AVL9: variants seen among roughly 807,000 people sequenced by gnomAD.
AVL9 encodes late secretory pathway protein AVL9 homolog.
Under a neutral mutation model 79.2 loss-of-function variants are expected in AVL9, and 49 were observed. The ratio of observed to expected loss-of-function variants is 0.62; its 90% CI spans 0.49 to 0.79. The LOEUF (loss-of-function observed/expected upper bound fraction) is 0.79, where lower values mean the gene tolerates loss of function less well. AVL9 is among the 30% of genes least tolerant of loss of function. AVL9 has a pLI of 0.00. For synonymous variants in AVL9, 299 were observed against 280.6 expected (o/e 1.07, Z -0.65); for missense variants, 682 against 776.8 (o/e 0.88, Z 1.45).
intron 1 of AVL9, among the ~76,000 whole-genome samples, chr7:32,500,918 A>G (rs1440442362): frequency 6.6e-6 from 1 of 152,084 alleles, no homozygotes; most frequent in Non-Finnish European, 1.5e-5. Context: ...ATGGCTGTAG[A>G]TGTGTGGTGT....
intron 14 of AVL9, 24 bp downstream of exon 14, chr7:32,580,296 G>T (rs762621576): frequency 1.3e-6 from 2 of 1,578,396 alleles, no homozygotes; most frequent in Non-Finnish European, 1.7e-6. Context: ...GAAAATACTG[G>T]GAAAATTCTT....
At chr7:32,563,234 G>C (rs1331683394) in intron 10 of AVL9, among the ~76,000 whole-genome samples, 1 of 151,950 alleles carries the variant, frequency 6.6e-6, no homozygotes, top group East Asian at 1.9e-4. Context: ...GTTTCACTAT[G>C]TTGACCAGGC....
Position 32,552,132 on chromosome 7 carries a change from A to G in AVL9, c.463-97A>G, listed in dbSNP as rs189407317. 1,085 of 743,616 alleles carry G rather than the reference A, an allele frequency of 1.5e-3. 10 individuals are homozygous for G. In the African/African-American group the frequency reaches 0.016, roughly 11 times the overall value. The allele number at this position is 743,616 out of a possible 1,614,324, so 46.1% of individuals were successfully genotyped here. The stretch of plus-strand genomic sequence containing the variant: ...AATTTAGCGCCTAGCAGAACAAACT[A>G]CCTCAATTAAGGAATCAGCTTTTTT... On this transcript the variant is annotated intron_variant, in intron 5 of 15. Transcript: ENST00000318709.
chr7:32,553,105 G>A (rs1176137134), intron 6 of AVL9, among the ~76,000 whole-genome samples: 1 of 152,124 alleles, frequency 6.6e-6, no homozygotes, highest in Non-Finnish European at 1.5e-5. Flanking sequence ...GTTTATGATT[G>A]CAATCCTCTG....
chr7:32,539,527 A>C (rs1789078756), intron 1 of AVL9, among the ~76,000 whole-genome samples: 1 of 152,214 alleles, frequency 6.6e-6, no homozygotes, highest in Admixed American at 6.5e-5. Context: ...CGGGAACATA[A>C]CACAGCAGAT....
chr7:32,542,934 T>C (rs546707290), intron 1 of AVL9, among the ~76,000 whole-genome samples: 33 of 152,330 alleles, frequency 2.2e-4, no homozygotes, highest in Middle Eastern at 3.4e-3. Flanking sequence ...AATCAGAAAG[T>C]GGAGAAAGGC....
rs754347724 is a variant in AVL9, at chr7:32,495,792, A to G, written c.83A>G (p.Lys28Arg). 78 of 1,257,794 alleles carry G rather than the reference A, an allele frequency of 6.2e-5. No homozygotes were observed. The highest frequency in any genetic ancestry group is 4.2e-5 in the Admixed American group (1 of 23,754). 77.9% of individuals were successfully genotyped at this position (1,257,794 alleles called of 1,614,324 possible). The change falls in exon 1 of 16, where the codon AAG becomes AGG. Residue 28 changes from lysine to arginine, a missense_variant. Coordinates refer to ENST00000318709, the MANE Select transcript of AVL9 (RefSeq NM_015060.3). ...HIVVVGFHHKKGCQVEFSYPP... is the reference protein window; with the variant it reads ...HIVVVGFHHKRGCQVEFSYPP... ...GTGGTGGTCGGATTTCACCACAAGAAGGGCTGCCAGGTGAGGAAAGGGCCC... is the reference window on the plus strand; with the variant it reads ...GTGGTGGTCGGATTTCACCACAAGAGGGGCTGCCAGGTGAGGAAAGGGCCC...
intron 1 of AVL9, among the ~76,000 whole-genome samples, chr7:32,509,997 T>C (rs10262952): frequency 0.38 from 58,494 of 152,246 alleles, 12,246 homozygotes; most frequent in African/African-American, 0.55. Context: ...TGAGGCTGAA[T>C]GTTGGTTTAC....
intron 15 of AVL9, chr7:32,581,525 G>GC (rs1473741688): frequency 6.6e-6 from 1 of 152,136 alleles, no homozygotes; most frequent in Admixed American, 6.6e-5. Context: ...AATATGAATA[G>GC]CCCTATTATC....
At chr7:32,518,481 CA>C (rs566128444) in intron 1 of AVL9, among the ~76,000 whole-genome samples, 49 of 148,846 alleles carry the variant, frequency 3.3e-4, no homozygotes, top group East Asian at 9.8e-4. Context: ...AACATTGTTT[CA>C]AAAAAAAAAG....
At chr7:32,582,887 G>A (rs1427201361) in intron 15 of AVL9, among the ~76,000 whole-genome samples, 1 of 152,080 alleles carries the variant, frequency 6.6e-6, no homozygotes, top group Non-Finnish European at 1.5e-5. Context: ...GTTTCGCCAT[G>A]TTTCCCAGGC....
At chr7:32,530,583 A>C (rs1788604390) in intron 1 of AVL9, among the ~76,000 whole-genome samples, 1 of 152,236 alleles carries the variant, frequency 6.6e-6, no homozygotes, top group Non-Finnish European at 1.5e-5. Flanking sequence ...CCTTTTTAGA[A>C]GAAATATTTC....
rs145306409 is a variant in AVL9, at chr7:32,570,120, G to T, written c.1316G>T (p.Arg439Leu). 1 of 1,614,042 alleles carries T rather than the reference G, an allele frequency of 6.2e-7. No individual in the cohort carries two copies. The highest frequency in any genetic ancestry group is 8.5e-7 in the Non-Finnish European group (1 of 1,180,006). Residue 439 changes from arginine to leucine, a missense_variant, in exon 11 of 16, where the codon CGA (arginine) becomes CTA (leucine). Transcript: ENST00000318709. The stretch of plus-strand genomic sequence containing the variant: ...GCTGGAGCTACTAACATCCTTTTTC[G>T]ACAACAGAAACACCTCAGTGATGCC... Reference protein sequence around the residue: ...FVAGATNILFRQQKHLSDAIV... With the variant: ...FVAGATNILFLQQKHLSDAIV...
rs71559236 is a variant in AVL9 at position 32,548,151 on chromosome 7, C to CTTTTGTTTTCTTTTTTTTTTT, written c.301-692_301-691insGTTTTCTTTTTTTTTTTTTTT. The stretch of plus-strand genomic sequence containing the variant: ...TGTCTGTTTTTGTCATCTCTTTTTT[C>CTTTTGTTTTCTTTTTTTTTTT]TTTTTTTTTTTTTTGAGACGGAGTC... On this transcript the variant is annotated intron_variant, in intron 3 of 15. Transcript: ENST00000318709. Among the ~76,000 whole-genome samples, 213 of 131,536 alleles carry CTTTTGTTTTCTTTTTTTTTTT rather than the reference C, an allele frequency of 1.6e-3. 4 individuals are homozygous for CTTTTGTTTTCTTTTTTTTTTT. The highest frequency in any genetic ancestry group is 5.8e-3 in the African/African-American group (189 of 32,630). The allele number at this position is 131,536 out of a possible 152,430, so 86.3% of individuals were successfully genotyped here.
rs1179019361 is a variant in AVL9 at position 32,540,800 on chromosome 7, G to T, written c.94-2341G>T. Among the ~76,000 whole-genome samples, 8 of 143,228 alleles carry T rather than the reference G, an allele frequency of 5.6e-5. No homozygotes were observed. The East Asian group carries it at 1.8e-3, about 31-fold the overall frequency. 94.0% of individuals were successfully genotyped at this position (143,228 alleles called of 152,430 possible). On this transcript the variant is annotated intron_variant, in intron 1 of 15. Transcript: ENST00000318709. ...TCAGTCTTTTTAATGTTTTTCAGTAGATGGGTAAAAATTATATTAATTCAA... is the reference window on the plus strand; with the variant it reads ...TCAGTCTTTTTAATGTTTTTCAGTATATGGGTAAAAATTATATTAATTCAA...
chr7:32,499,598 C>CT (rs1787026451), intron 1 of AVL9, among the ~76,000 whole-genome samples: 1 of 151,570 alleles, frequency 6.6e-6, no homozygotes, highest in East Asian at 1.9e-4. Context: ...TTTAATTATA[C>CT]TTTAAGTTCT....
rs1791771503 is a variant in AVL9, at chr7:32,586,264, T to C, written c.*2357T>C. Reference sequence around the variant, plus strand: ...AGAGTTTGACTCTTAGTGGTCACTTTACTGACTTTCCAACATAAAACAAGT... The same window carrying C: ...AGAGTTTGACTCTTAGTGGTCACTTCACTGACTTTCCAACATAAAACAAGT... On this transcript the variant is annotated 3_prime_UTR_variant, in exon 16 of 16. Transcript: ENST00000318709. The C allele has an allele frequency of 6.6e-6, 1 of 152,276 alleles. No homozygotes were observed. The highest frequency in any genetic ancestry group is 2.1e-4 in the South Asian group (1 of 4,838). The allele number at this position is 152,276 out of a possible 1,614,324, so 9.4% of individuals were successfully genotyped here.
At chr7:32,515,195 G>A (rs1787855386) in intron 1 of AVL9, among the ~76,000 whole-genome samples, 1 of 152,180 alleles carries the variant, frequency 6.6e-6, no homozygotes, top group Admixed American at 6.5e-5. Flanking sequence ...TGTGTCACAG[G>A]TACGTCTTTA....
chr7:32,526,220 T>C (rs1375608226), intron 1 of AVL9, among the ~76,000 whole-genome samples: 2 of 152,082 alleles, frequency 1.3e-5, no homozygotes, highest in Non-Finnish European at 2.9e-5. Flanking sequence ...TAACTGCCAT[T>C]AGAAGGATAA....
Sources: allele counts gnomAD v4.1 joint callset (sites outside exome capture counted in the v4.1 genomes callset), GRCh38; gene constraint gnomAD v4.1.1; transcripts MANE v1.5; gene names NCBI Gene and HGNC (gene_info 2026-07-23, HGNC 2026-07-21).